SPOP: variants seen among roughly 807,000 people sequenced by gnomAD.
SPOP encodes the protein speckle-type POZ protein.
SPOP carries 11 observed loss-of-function variants against 45.6 expected under a neutral mutation model. That is an observed-to-expected ratio of 0.24 (90% CI 0.15 to 0.40). The LOEUF is 0.40. SPOP is among the 10% of genes least tolerant of loss of function. The pLI is 1.00. For synonymous variants in SPOP, 166 were observed against 166.3 expected (o/e 1.00, Z 0.01); for missense variants, 152 against 465.6 (o/e 0.33, Z 6.20).
chr17:49,648,781 C>T (rs2072797438), intron 1 of SPOP, among the ~76,000 whole-genome samples: 1 of 152,118 alleles, frequency 6.6e-6, no homozygotes, highest in Non-Finnish European at 1.5e-5. Flanking sequence ...TTTTTTGAGA[C>T]GGAGTCTCAC....
chr17:49,641,063 G>T (rs1187983476), intron 1 of SPOP, among the ~76,000 whole-genome samples: 2 of 151,954 alleles, frequency 1.3e-5, no homozygotes, highest in Non-Finnish European at 2.9e-5. Context: ...AGGAGTTCAA[G>T]ACCAGCCTGG....
At chr17:49,677,779 C>T (rs1016189489) in intron 1 of SPOP, among the ~76,000 whole-genome samples, 154 bp downstream of exon 1, 1 of 143,614 alleles carries the variant, frequency 7.0e-6, no homozygotes, top group African/African-American at 2.6e-5. Flanking sequence ...ATTCGCAGGC[C>T]ACGTAATCCG....
rs34207707 is a variant in SPOP at position 49,641,263 on chromosome 17, CAAAAAAAAAAAA to C, written c.-66-18399_-66-18388del. ...GGATGACAGAGCAAGACTCTGTCTC[CAAAAAAAAAAAA>C]AAAAAAAAAAAAAAAGCAATTCCCT... On this transcript the variant is annotated intron_variant, in intron 1 of 9. Coordinates refer to ENST00000504102, the MANE Select transcript of SPOP (RefSeq NM_001007228.2). 6.9e-3 allele frequency among the ~76,000 whole-genome samples: 329 copies of C among 47,592 alleles called. 2 individuals carry two copies. The highest frequency in any genetic ancestry group is 0.01 in the Non-Finnish European group (283 of 27,166). 31.2% of individuals were successfully genotyped at this position (47,592 alleles called of 152,430 possible). A position where few individuals can be genotyped will look rare whatever the true frequency, so the allele number is the denominator to read the frequency against.
At position 49,607,367 on chromosome 17, in the gene SPOP, T is replaced by C; in HGVS notation, c.720A>G (p.Arg240=). 6.2e-7 allele frequency: 1 copy of C among 1,612,744 alleles called. No individual in the cohort carries two copies. Among genetic ancestry groups the C allele is most frequent in the Non-Finnish European group, 8.5e-7 (1 of 1,179,244 alleles). Residue 240 remains arginine (R), a synonymous_variant, in exon 8 of 10, where the codon CGA becomes CGG. Coordinates refer to ENST00000504102, the MANE Select transcript of SPOP (RefSeq NM_001007228.2). ...EHEMEESKKN[R]VEINDVEPEV... ...CAGGCTCCACATCATTGATTTCAAC[T>C]CGATTCTATGCCAGAAAAACTGAAT...
At chr17:49,627,855 C>G (rs1697054567) in intron 1 of SPOP, among the ~76,000 whole-genome samples, 1 of 152,154 alleles carries the variant, frequency 6.6e-6, no homozygotes, top group Admixed American at 6.5e-5. Context: ...TCACAGCCAG[C>G]AGAACTGGAG....
intron 1 of SPOP, among the ~76,000 whole-genome samples, chr17:49,645,182 G>C (rs969198763): frequency 6.6e-6 from 1 of 152,196 alleles, no homozygotes; most frequent in African/African-American, 2.4e-5. Flanking sequence ...GGAAAATCCT[G>C]TGTTGGTAAA....
At chr17:49,644,946 A>T (rs2072727855) in intron 1 of SPOP, among the ~76,000 whole-genome samples, 1 of 152,198 alleles carries the variant, frequency 6.6e-6, no homozygotes, top group Non-Finnish European at 1.5e-5. Flanking sequence ...ATAAAACTTT[A>T]GCTGACAGTG....
chr17:49,671,823 T>C (rs2073139697), intron 1 of SPOP, among the ~76,000 whole-genome samples: 1 of 152,090 alleles, frequency 6.6e-6, no homozygotes. Context: ...CTGGCCAATA[T>C]GGTGAAACCC....
intron 1 of SPOP, among the ~76,000 whole-genome samples, chr17:49,656,461 T>A (rs376996944): frequency 6.6e-6 from 1 of 152,162 alleles, no homozygotes; most frequent in Non-Finnish European, 1.5e-5. Flanking sequence ...ATAACTCCCA[T>A]AAAAACCTCT....
At chr17:49,604,104 G>A (rs947211963) in intron 8 of SPOP, among the ~76,000 whole-genome samples, 6 of 152,204 alleles carry the variant, frequency 3.9e-5, no homozygotes, top group African/African-American at 1.2e-4. Context: ...AACACATGAT[G>A]TGTATAAGTA....
At chr17:49,626,497 T>A (rs1172453230) in intron 1 of SPOP, among the ~76,000 whole-genome samples, 1 of 151,862 alleles carries the variant, frequency 6.6e-6, no homozygotes, top group Non-Finnish European at 1.5e-5. Context: ...GAGTTCGAGA[T>A]CAGCCTGGCC....
rs2071716795 is a variant in SPOP, at chr17:49,600,312, G to A, written c.*66C>T. The A allele has an allele frequency of 1.9e-6, 3 of 1,599,170 alleles. No individual in the cohort carries two copies. The highest frequency in any genetic ancestry group is 2.2e-5 in the East Asian group (1 of 44,770). On this transcript the variant is annotated 3_prime_UTR_variant, in exon 10 of 10. Transcript: ENST00000504102. This position sits in a 1 kb window ranked among gnomAD's most constrained non-coding sequence, Gnocchi z 4.2. ...CCACAGATTGCGCTGTCTACCTGGT[G>A]GTCAGTGGCAGCAACAGTGGCTGCT...
intron 8 of SPOP, among the ~76,000 whole-genome samples, chr17:49,605,860 C>A (rs139305527): frequency 6.9e-6 from 1 of 144,952 alleles, no homozygotes; most frequent in Admixed American, 6.9e-5. Flanking sequence ...TGGTGGCGGG[C>A]GCCTGTAATC....
intron 1 of SPOP, among the ~76,000 whole-genome samples, chr17:49,673,462 C>T (rs558144731): frequency 1.6e-4 from 24 of 151,134 alleles, no homozygotes; most frequent in Admixed American, 6.6e-4. Flanking sequence ...GCCAAGATCG[C>T]GCCACTGCAC....
chr17:49,624,302 C>T (rs1326208789), intron 1 of SPOP, among the ~76,000 whole-genome samples: 4 of 145,802 alleles, frequency 2.7e-5, no homozygotes, highest in African/African-American at 1.0e-4. Flanking sequence ...TTACCACCTA[C>T]GCGGGAACAC....
At chr17:49,634,967 G>C (rs2072516632) in intron 1 of SPOP, among the ~76,000 whole-genome samples, 1 of 152,218 alleles carries the variant, frequency 6.6e-6, no homozygotes, top group Non-Finnish European at 1.5e-5. Context: ...AAAGAATTCA[G>C]TATTCCCATG....
At chr17:49,605,779 G>A (rs1276355519) in intron 8 of SPOP, among the ~76,000 whole-genome samples, 3 of 152,074 alleles carry the variant, frequency 2.0e-5, no homozygotes, top group Non-Finnish European at 4.4e-5. Flanking sequence ...CTTGAGGTCA[G>A]GAGTTTGAGA....
At position 49,600,205 on chromosome 17, in the gene SPOP, C is replaced by G. The variant is rs1034543475; in HGVS notation, c.*173G>C. ...GTTTTCATTTCATTTTCCCTCCCCCCGTTTCCCCCAAGTTATTTAGTGCTG... is the reference window on the plus strand; with the variant it reads ...GTTTTCATTTCATTTTCCCTCCCCCGGTTTCCCCCAAGTTATTTAGTGCTG... On this transcript the variant is annotated 3_prime_UTR_variant, in exon 10 of 10. Coordinates refer to ENST00000504102, the MANE Select transcript of SPOP (RefSeq NM_001007228.2). The surrounding 1 kb of genome is among the most constrained non-coding windows in gnomAD (Gnocchi z 4.2). 2 of 839,138 alleles carry G rather than the reference C, an allele frequency of 2.4e-6. No individual in the cohort carries two copies. The highest frequency in any genetic ancestry group is 1.7e-5 in the African/African-American group (1 of 58,716). 52.0% of individuals were successfully genotyped at this position (839,138 alleles called of 1,614,324 possible).
At position 49,624,331 on chromosome 17, in the gene SPOP, G is replaced by GCGCACACACA. The variant is rs71352523; in HGVS notation, c.-66-1456_-66-1455insTGTGTGTGCG. Among the ~76,000 whole-genome samples, 235 of 149,298 alleles carry GCGCACACACA rather than the reference G, an allele frequency of 1.6e-3. 1 individual carries two copies. The highest frequency in any genetic ancestry group is 5.7e-3 in the African/African-American group (229 of 40,272). ...GGAACACACACACACGCGCGCGCGCGCACACACACACACACACACACACAC... is the reference window on the plus strand; with the variant it reads ...GGAACACACACACACGCGCGCGCGCGCGCACACACACACACACACACACACACACACACAC... On this transcript the variant is annotated intron_variant, in intron 1 of 9. Coordinates refer to ENST00000504102, the MANE Select transcript of SPOP (RefSeq NM_001007228.2).
Sources: gnomAD v4.1 joint callset for allele counts (sites outside exome capture counted in the v4.1 genomes callset) on GRCh38, gnomAD v4.1.1 for gene constraint, Gnocchi (gnomAD v3.1) non-coding constraint, MANE v1.5 for transcripts, NCBI Gene and HGNC (gene_info 2026-07-23, HGNC 2026-07-21) for gene names.